The following BAZ1B variants were observed in gnomAD, a reference collection of about 807,000 sequenced individuals.
The protein encoded by BAZ1B is bromodomain adjacent to zinc finger domain 1B, also known as tyrosine-protein kinase BAZ1B.
In BAZ1B, 22 loss-of-function variants were observed where a neutral mutation model predicts 153.8. The observed-to-expected ratio is 0.14, with a 90% CI of 0.10 to 0.20. The LOEUF (loss-of-function observed/expected upper bound fraction) is 0.20, where lower values mean the gene tolerates loss of function less well. Among genes scored for constraint, BAZ1B ranks in the 10% least tolerant of loss-of-function variants. The pLI is 1.00. For missense variants in BAZ1B, 1,325 were observed against 1,799.3 expected, an observed-to-expected ratio of 0.74 and a Z score of 4.77; for synonymous variants, 676 against 633.4, an observed-to-expected ratio of 1.07 and a Z score of -1.01.
At chr7:73,447,918 C>T (rs1787897651) in intron 15 of BAZ1B, among the ~76,000 whole-genome samples, 1 of 152,174 alleles carries the variant, frequency 6.6e-6, no homozygotes, top group South Asian at 2.1e-4. Flanking sequence ...TTCAGAGCAA[C>T]ATGTCTCATC....
chr7:73,463,217 T>A, intron 11 of BAZ1B, 118 bp from the exon 12 acceptor site: 1 of 802,894 alleles, frequency 1.2e-6, no homozygotes, highest in Non-Finnish European at 1.9e-6. Flanking sequence ...CTTTCACCTC[T>A]CCCTGGTGTT....
intron 3 of BAZ1B, among the ~76,000 whole-genome samples, chr7:73,505,134 T>C (rs1340853681): frequency 1.3e-5 from 2 of 152,186 alleles, no homozygotes; most frequent in African/African-American, 4.8e-5. Context: ...CAGCTCTGGG[T>C]GGTTATGTAA....
chr7:73,503,754 C>A (rs1214753212), intron 3 of BAZ1B, among the ~76,000 whole-genome samples: 1 of 152,084 alleles, frequency 6.6e-6, no homozygotes, highest in Non-Finnish European at 1.5e-5. Context: ...ATTCCATTTC[C>A]ATCCTTCTCT....
In BAZ1B at chr7:73,521,874, C is replaced by T. The variant is rs1168699392; in HGVS notation, c.60G>A (p.Glu20=). The change falls in exon 1 of 20, where the codon GAG becomes GAA. Residue 20 remains glutamate, a synonymous_variant. Coordinates refer to ENST00000339594, the MANE Select transcript of BAZ1B (RefSeq NM_032408.4). ...FPLVKPLPGE[E]PLFTIPHTQE... is the part of the protein sequence containing the mutation. ...GAGTGTGCGGGATGGTGAAGAGCGG[C>T]TCCTCTCCGGGCAACGGCTTCACCA... 1 of 1,507,234 alleles carries T rather than the reference C, an allele frequency of 6.6e-7. No individual in the cohort carries two copies. The highest frequency in any genetic ancestry group is 1.2e-5 in the South Asian group (1 of 81,550). The allele number at this position is 1,507,234 out of a possible 1,614,324, so 93.4% of individuals were successfully genotyped here.
Position 73,497,050 on chromosome 7 carries a change from G to A in BAZ1B, c.571+1447C>T, listed in dbSNP as rs955635146. ...ACAAGACCAGCCTGAACAACATCGT[G>A]AGAACTGACCTCTACAAAAAAAAAA... On this transcript the variant is annotated intron_variant, in intron 4 of 19. Coordinates refer to ENST00000339594, the MANE Select transcript of BAZ1B (RefSeq NM_032408.4). Among the ~76,000 whole-genome samples the A allele has an allele frequency of 2.9e-5, 3 of 104,544 alleles. No homozygotes were observed. The East Asian group carries it at 7.4e-4, about 26-fold the overall frequency. 68.6% of individuals were successfully genotyped at this position (104,544 alleles called of 152,430 possible). A position where few individuals can be genotyped will look rare whatever the true frequency, so the allele number is the denominator to read the frequency against.
chr7:73,481,032 C>CT (rs781963270), intron 6 of BAZ1B, among the ~76,000 whole-genome samples: 25 of 152,168 alleles, frequency 1.6e-4, no homozygotes, highest in Non-Finnish European at 3.4e-4. Context: ...GCTCAAGCGA[C>CT]TCTCCTGCCT....
intron 7 of BAZ1B, among the ~76,000 whole-genome samples, chr7:73,476,349 G>A (rs914680471): frequency 6.6e-6 from 1 of 152,150 alleles, no homozygotes; most frequent in Non-Finnish European, 1.5e-5. Context: ...GTTCAGATTC[G>A]ATGGAGCCAT....
chr7:73,512,178 G>C (rs1482694851), intron 1 of BAZ1B, among the ~76,000 whole-genome samples: 1 of 151,706 alleles, frequency 6.6e-6, no homozygotes, highest in Non-Finnish European at 1.5e-5. Context: ...TTGGAAACAT[G>C]TTACTTCTTA....
At chr7:73,495,587 G>C (rs1435457185) in intron 4 of BAZ1B, among the ~76,000 whole-genome samples, 1 of 152,166 alleles carries the variant, frequency 6.6e-6, no homozygotes, top group African/African-American at 2.4e-5. Flanking sequence ...AGTATTAAAT[G>C]TAACAGATAC....
At chr7:73,511,726 G>A (rs1790586048) in intron 1 of BAZ1B, among the ~76,000 whole-genome samples, 1 of 151,504 alleles carries the variant, frequency 6.6e-6, no homozygotes, top group Non-Finnish European at 1.5e-5. Flanking sequence ...AAGTTTAAGA[G>A]TCAGTCCACC....
intron 1 of BAZ1B, among the ~76,000 whole-genome samples, chr7:73,519,312 A>C (rs1374844816): frequency 6.6e-6 from 1 of 152,208 alleles, no homozygotes; most frequent in Non-Finnish European, 1.5e-5. Context: ...TGGGAATACT[A>C]CTTCAAAGGC....
At chr7:73,500,196 C>T (rs1162160321) in intron 3 of BAZ1B, among the ~76,000 whole-genome samples, 1 of 152,070 alleles carries the variant, frequency 6.6e-6, no homozygotes, top group Non-Finnish European at 1.5e-5. Context: ...CTTTTCTATT[C>T]AGCCTCAACA....
At position 73,459,463 on chromosome 7, in the gene BAZ1B, A is replaced by G. The variant is rs75065016; in HGVS notation, c.3432+73T>C. The G allele has an allele frequency of 7.0e-3, 10,378 of 1,482,330 alleles. 49 individuals are homozygous for G. Among genetic ancestry groups the G allele is most frequent in the Non-Finnish European group, 8.5e-3 (9,327 of 1,094,660 alleles). 91.8% of individuals were successfully genotyped at this position (1,482,330 alleles called of 1,614,324 possible). On this transcript the variant is annotated intron_variant, in intron 13 of 19. Transcript: ENST00000339594. ...AGTGCCTATAGCAGCTAAAATGCAT[A>G]GGGTTAGATTATTTTAAAACCAAAT... is the stretch of plus-strand genomic sequence containing the variant.
intron 17 of BAZ1B, among the ~76,000 whole-genome samples, 189 bp from the exon 18 acceptor site, chr7:73,443,017 T>G (rs546623956): frequency 6.6e-6 from 1 of 152,160 alleles, no homozygotes; most frequent in Non-Finnish European, 1.5e-5. Flanking sequence ...ATCTTCCCAG[T>G]AGTCCACTCA....
chr7:73,477,951 G>A lies in BAZ1B; in HGVS notation c.1510C>T (p.Arg504Cys). The change falls in exon 7 of 20, where the codon CGT (arginine) becomes TGT (cysteine). Residue 504 changes from arginine to cysteine, a missense_variant. By Grantham distance (180) the Arg-to-Cys change is radical. Transcript: ENST00000339594. The surrounding 1 kb of genome is among the most constrained non-coding windows in gnomAD (Gnocchi z 5.6). Reference sequence around the variant, plus strand: ...GCTCTATCTTCACTAGAGAGAAGACGAGCTGTTTTGGAGATAACACAGGAC... The same window carrying A: ...GCTCTATCTTCACTAGAGAGAAGACAAGCTGTTTTGGAGATAACACAGGAC... ...ALSCVISKTA[R>C]LLSSEDRARL... 1 of 1,614,156 alleles carries A rather than the reference G, an allele frequency of 6.2e-7. No individual in the cohort carries two copies.
Position 73,442,788 on chromosome 7 carries a change from T to C in BAZ1B, c.4031A>G (p.Glu1344Gly). The part of the protein sequence containing the change: ...TKRSSRRQSL[E>G]LQKCEEILHK... The stretch of plus-strand genomic sequence containing the variant: ...GAGGATCTCTTCACACTTCTGCAGC[T>C]CCAGGCTTTGCCTCCGGGAGCTCCG... The change falls in exon 18 of 20, where the codon GAG becomes GGG. Residue 1344 changes from glutamate (E) to glycine (G), a missense_variant. By Grantham distance (98) the Glu-to-Gly change is moderately conservative (BLOSUM62 -2). This residue lies in a region of BAZ1B where 271 missense variants were observed against 337.2 expected (regional missense o/e 0.80). Transcript: ENST00000339594. 1 of 1,614,156 alleles carries C rather than the reference T, an allele frequency of 6.2e-7. No individual in the cohort carries two copies. The highest frequency in any genetic ancestry group is 1.3e-5 in the African/African-American group (1 of 75,064).
chr7:73,453,883 G>C (rs1427166918), intron 13 of BAZ1B, among the ~76,000 whole-genome samples: 2 of 152,148 alleles, frequency 1.3e-5, no homozygotes, highest in African/African-American at 4.8e-5. Flanking sequence ...GGAGGCTGAA[G>C]TAGAAGGACA....
chr7:73,478,059 G>A lies in BAZ1B; in HGVS notation c.1402C>T (p.His468Tyr). 1 of 1,614,122 alleles carries A rather than the reference G, an allele frequency of 6.2e-7. No individual in the cohort carries two copies. Among genetic ancestry groups the A allele is most frequent in the Non-Finnish European group, 8.5e-7 (1 of 1,180,006 alleles). ...GGTPRTSSKP[H>Y]KHLPPAALHL... Reference sequence around the variant, plus strand: ...AGGGCTGCAGGAGGCAGATGTTTATGAGGTTTACTAGAGGTCCTAGGTGTA... The same window carrying A: ...AGGGCTGCAGGAGGCAGATGTTTATAAGGTTTACTAGAGGTCCTAGGTGTA... The change falls in exon 7 of 20, where the codon CAT becomes TAT. Residue 468 changes from histidine to tyrosine, a missense_variant. Coordinates refer to ENST00000339594, the MANE Select transcript of BAZ1B (RefSeq NM_032408.4).
chr7:73,474,254 A>C (rs1788919701), intron 7 of BAZ1B, among the ~76,000 whole-genome samples: 2 of 152,178 alleles, frequency 1.3e-5, no homozygotes, highest in Admixed American at 1.3e-4. Context: ...ATAAAGCTGG[A>C]CTTTTACCTT....
Sources: allele counts gnomAD v4.1 joint callset (sites outside exome capture counted in the v4.1 genomes callset), GRCh38; gene constraint gnomAD v4.1.1; regional missense constraint gnomAD v4.1.1; non-coding constraint Gnocchi (gnomAD v3.1); transcripts MANE v1.5; gene names NCBI Gene and HGNC (gene_info 2026-07-23, HGNC 2026-07-21).